Variants in DAPP1 observed in about 807,000 individuals in gnomAD.
DAPP1 encodes the protein dual adaptor of phosphotyrosine and 3-phosphoinositides 1.
DAPP1 carries 20 observed loss-of-function variants against 41.5 expected under a neutral mutation model. That is an observed-to-expected ratio of 0.48 (90% CI 0.34 to 0.70). DAPP1 has a LOEUF of 0.70. Ranked by LOEUF, DAPP1 falls within the 30% of genes least tolerant of loss-of-function variation. The pLI, the probability that DAPP1 is intolerant of heterozygous loss-of-function variation, is 0.01. For missense variants in DAPP1, 233 were observed against 333.4 expected, an observed-to-expected ratio of 0.70 and a Z score of 2.35; for synonymous variants, 113 against 116.2, an observed-to-expected ratio of 0.97 and a Z score of 0.18.
At chr4:99,847,012 A>T (rs1723687505) in intron 3 of DAPP1, among the ~76,000 whole-genome samples, 1 of 152,228 alleles carries the variant, frequency 6.6e-6, no homozygotes, top group Admixed American at 6.5e-5. Context: ...TGCCAGTTGC[A>T]GAGCTTATTT....
chr4:99,859,292 G>C (rs967219938), intron 4 of DAPP1, among the ~76,000 whole-genome samples: 1 of 151,794 alleles, frequency 6.6e-6, no homozygotes, highest in African/African-American at 2.4e-5. Context: ...TTCTTTCTTT[G>C]TACCCAGCTC....
At chr4:99,854,364 A>C (rs1370897903) in intron 4 of DAPP1, among the ~76,000 whole-genome samples, 1 of 152,268 alleles carries the variant, frequency 6.6e-6, no homozygotes, top group Non-Finnish European at 1.5e-5. Context: ...TAATACCCAA[A>C]TAAATATCAA....
intron 3 of DAPP1, among the ~76,000 whole-genome samples, chr4:99,849,410 A>C (rs1723778855): frequency 6.6e-6 from 1 of 152,164 alleles, no homozygotes; most frequent in Non-Finnish European, 1.5e-5. Context: ...ATCTGCCTTC[A>C]TTATGTCAGA....
At chr4:99,863,130 CT>C in intron 6 of DAPP1, 58 bp downstream of exon 6, 1 of 1,094,022 alleles carries the variant, frequency 9.1e-7, no homozygotes, top group Non-Finnish European at 1.3e-6. Context: ...ATGAAAGAAA[CT>C]TAGGTCTTTA....
chr4:99,867,982 G>A (rs1381812861), intron 8 of DAPP1, 135 bp from the exon 9 acceptor site: 13 of 766,648 alleles, frequency 1.7e-5, no homozygotes, highest in Non-Finnish European at 2.6e-5. Flanking sequence ...TTATAGTTGG[G>A]GGTGAGCACA....
At chr4:99,832,357 A>T (rs1008128887) in intron 1 of DAPP1, among the ~76,000 whole-genome samples, 1 of 152,244 alleles carries the variant, frequency 6.6e-6, no homozygotes, top group Non-Finnish European at 1.5e-5. Context: ...TAGGATATAC[A>T]TTCACTCCCC....
At chr4:99,842,095 T>C (rs909965409) in intron 3 of DAPP1, among the ~76,000 whole-genome samples, 2 of 152,244 alleles carry the variant, frequency 1.3e-5, no homozygotes, top group African/African-American at 2.4e-5. Flanking sequence ...GATCCAATCA[T>C]CAGGCAAGAG....
At chr4:99,822,431 C>A (rs1722804015) in intron 1 of DAPP1, among the ~76,000 whole-genome samples, 1 of 152,148 alleles carries the variant, frequency 6.6e-6, no homozygotes, top group African/African-American at 2.4e-5. Context: ...CTAGATAAAA[C>A]AATCTCCTAT....
rs142325154 is a variant in DAPP1, at chr4:99,847,489, A to G, written c.359-5729A>G. On this transcript the variant is annotated intron_variant, in intron 3 of 8. Transcript: ENST00000512369. ...GTCCAGCTCTGATCATCTCAAAAACATACCTCCGCTAAGCATGGCTGAAAC... is the reference window on the plus strand; with the variant it reads ...GTCCAGCTCTGATCATCTCAAAAACGTACCTCCGCTAAGCATGGCTGAAAC... Among the ~76,000 whole-genome samples, 1,312 of 152,346 alleles carry G rather than the reference A, an allele frequency of 8.6e-3. 5 individuals carry two copies. Among genetic ancestry groups the G allele is most frequent in the South Asian group, 0.017 (83 of 4,828 alleles).
intron 1 of DAPP1, among the ~76,000 whole-genome samples, chr4:99,823,087 A>C (rs1722826115): frequency 6.6e-6 from 1 of 152,242 alleles, no homozygotes; most frequent in Non-Finnish European, 1.5e-5. Context: ...AAAGAATGTC[A>C]CTTTTGAGAG....
chr4:99,866,765 T>TG, intron 8 of DAPP1: 1 of 467,312 alleles, frequency 2.1e-6, no homozygotes, highest in South Asian at 3.2e-5. Context: ...TCTTTTTTTC[T>TG]ATTTTTTTTT....
Position 99,816,897 on chromosome 4 carries a change from C to G in DAPP1, c.-17C>G. The G allele has an allele frequency of 6.3e-7, 1 of 1,595,846 alleles. No homozygotes were observed. Among genetic ancestry groups the G allele is most frequent in the African/African-American group, 1.3e-5 (1 of 74,608 alleles). On this transcript the variant is annotated 5_prime_UTR_variant, in exon 1 of 9. Transcript: ENST00000512369. ...AGCCCAGTTGTGTCTCTCTCTCTAC[C>G]TCTGTGAAGGGCGCGAATGGGCAGA... is the stretch of plus-strand genomic sequence containing the variant.
At chr4:99,850,098 G>A (rs1247040365) in intron 3 of DAPP1, among the ~76,000 whole-genome samples, 1 of 152,140 alleles carries the variant, frequency 6.6e-6, no homozygotes, top group Non-Finnish European at 1.5e-5. Context: ...TATGTTTGTG[G>A]CAATTTGCTA....
intron 3 of DAPP1, among the ~76,000 whole-genome samples, chr4:99,845,229 T>C (rs928022584): frequency 2.6e-5 from 4 of 152,196 alleles, no homozygotes; most frequent in Non-Finnish European, 5.9e-5. Flanking sequence ...AGGGCTGAGA[T>C]TGGAATCTGG....
intron 3 of DAPP1, among the ~76,000 whole-genome samples, chr4:99,850,727 G>A (rs1560701906): frequency 6.6e-6 from 1 of 152,090 alleles, no homozygotes; most frequent in Non-Finnish European, 1.5e-5. Context: ...TTTATTCCTA[G>A]CAGAATGTTG....
chr4:99,824,463 G>C (rs554768526), intron 1 of DAPP1, among the ~76,000 whole-genome samples: 25 of 152,276 alleles, frequency 1.6e-4, no homozygotes, highest in African/African-American at 5.8e-4. Flanking sequence ...AATTGACGTT[G>C]GTTAGAGGTA....
At chr4:99,850,239 G>T (rs535475029) in intron 3 of DAPP1, among the ~76,000 whole-genome samples, 1 of 152,070 alleles carries the variant, frequency 6.6e-6, no homozygotes, top group East Asian at 1.9e-4. Flanking sequence ...ACGAAACCCC[G>T]TCTCTACTGA....
intron 2 of DAPP1, among the ~76,000 whole-genome samples, chr4:99,837,741 G>C (rs1374340287): frequency 6.6e-6 from 1 of 152,134 alleles, no homozygotes; most frequent in African/African-American, 2.4e-5. Flanking sequence ...TACATTTATT[G>C]TGTGTTTTAT....
At chr4:99,867,742 T>C (rs1308114950) in intron 8 of DAPP1, among the ~76,000 whole-genome samples, 1 of 152,198 alleles carries the variant, frequency 6.6e-6, no homozygotes, top group Non-Finnish European at 1.5e-5. Flanking sequence ...ACAAATCACT[T>C]GCCAGTGTTC....
Sources: allele counts gnomAD v4.1 joint callset (sites outside exome capture counted in the v4.1 genomes callset), GRCh38; gene constraint gnomAD v4.1.1; transcripts MANE v1.5; gene names NCBI Gene and HGNC (gene_info 2026-07-23, HGNC 2026-07-21).